The following EPC1 variants were observed in gnomAD, a reference collection of about 807,000 sequenced individuals.
The protein encoded by EPC1 is enhancer of polycomb 1, also known as enhancer of polycomb homolog 1.
EPC1 carries 12 observed loss-of-function variants against 98.4 expected under a neutral mutation model. The ratio of observed to expected loss-of-function variants is 0.12; its 90% CI spans 0.08 to 0.20. The LOEUF (loss-of-function observed/expected upper bound fraction) is 0.20. Among genes scored for constraint, EPC1 ranks in the 10% least tolerant of loss-of-function variants. The pLI is 1.00. For missense variants in EPC1, 729 were observed against 990.5 expected (o/e 0.74, Z 3.54); for synonymous variants, 357 against 363.9 (o/e 0.98, Z 0.21).
rs184770971 is a variant in EPC1, at chr10:32,331,511, G to A, written c.153+15252C>T. ...TGGTTTTGATTTTATATCATCTATCGTACTTACATTTACTTCAAATGAAAA... is the reference window on the plus strand; with the variant it reads ...TGGTTTTGATTTTATATCATCTATCATACTTACATTTACTTCAAATGAAAA... On this transcript the variant is annotated intron_variant, in intron 1 of 13. Coordinates refer to ENST00000319778, the MANE Select transcript of EPC1 (RefSeq NM_001272004.3). Among the ~76,000 whole-genome samples the A allele has an allele frequency of 3.4e-4, 46 of 136,944 alleles. 1 individual carries two copies. The highest frequency in any genetic ancestry group is 1.2e-3 in the African/African-American group (45 of 36,552). 89.8% of individuals were successfully genotyped at this position (136,944 alleles called of 152,430 possible).
At chr10:32,310,209 TAAAG>T (rs1197977450) in intron 1 of EPC1, among the ~76,000 whole-genome samples, 2 of 152,028 alleles carry the variant, frequency 1.3e-5, no homozygotes, top group Non-Finnish European at 2.9e-5. Flanking sequence ...AAAGAAAAAA[TAAAG>T]AACATGGATT....
At chr10:32,293,269 A>G in intron 3 of EPC1, 75 bp from the exon 4 acceptor site, 1 of 1,146,706 alleles carries the variant, frequency 8.7e-7, no homozygotes, top group East Asian at 2.4e-5. Flanking sequence ...CTAAATTTAA[A>G]GGACAATAAT....
At position 32,273,189 on chromosome 10, in the gene EPC1, T is replaced by C. The variant is rs557162371; in HGVS notation, c.1837A>G (p.Ser613Gly). 2.5e-6 allele frequency: 4 copies of C among 1,614,176 alleles called. No individual in the cohort carries two copies. In the African/African-American group the frequency reaches 5.3e-5, roughly 22 times the overall value. ...LAQIQQQQAN[S>G]NSSTNTSQGF... is the part of the protein sequence containing the mutation. ...TGTGATGTGTTGGTGGAGGAATTAC[T>C]ATTTGCTTGCTGTTGCTGAATTTGT... Residue 613 changes from serine to glycine, a missense_variant, in exon 11 of 14, where the codon AGT (serine) becomes GGT (glycine). Transcript: ENST00000319778.
At chr10:32,345,725 C>A in intron 1 of EPC1, 1 of 705,618 alleles carries the variant, frequency 1.4e-6, no homozygotes, top group Non-Finnish European at 1.7e-6. Flanking sequence ...TAGTTGTCAA[C>A]ATTTACGTGC....
intron 1 of EPC1, among the ~76,000 whole-genome samples, chr10:32,333,339 A>G (rs2132981925): frequency 6.6e-6 from 1 of 152,300 alleles, no homozygotes; most frequent in East Asian, 1.9e-4. Flanking sequence ...CTCAAAAACA[A>G]ACAAACAACA....
upstream of EPC1, chr10:32,347,204 G>A: frequency 8.1e-7 from 1 of 1,231,936 alleles, no homozygotes; most frequent in Non-Finnish European, 1.0e-6. Flanking sequence ...GCATCGCGCA[G>A]CGGCGCGGGC....
chr10:32,319,120 G>A (rs911266068), intron 1 of EPC1, among the ~76,000 whole-genome samples: 7 of 152,028 alleles, frequency 4.6e-5, no homozygotes, highest in Non-Finnish European at 8.8e-5. Flanking sequence ...AATTCTACTA[G>A]GATGTCTACC....
intron 6 of EPC1, among the ~76,000 whole-genome samples, chr10:32,289,474 A>G (rs1836878335): frequency 6.6e-6 from 1 of 151,520 alleles, no homozygotes; most frequent in Non-Finnish European, 1.5e-5. Flanking sequence ...ACTGTGTGGC[A>G]GGTTGTACAT....
At chr10:32,345,320 CAA>C in intron 1 of EPC1, 2 of 985,346 alleles carry the variant, frequency 2.0e-6, no homozygotes, top group South Asian at 4.7e-5. Flanking sequence ...ACACTACTCT[CAA>C]AAGTAACATT....
intron 1 of EPC1, among the ~76,000 whole-genome samples, chr10:32,326,833 G>A (rs550294598): frequency 2.0e-5 from 3 of 151,718 alleles, no homozygotes; most frequent in Non-Finnish European, 2.9e-5. Flanking sequence ...AATGCAAATC[G>A]ACACCACAAT....
intron 13 of EPC1, among the ~76,000 whole-genome samples, chr10:32,270,412 T>C (rs1204438861): frequency 6.6e-6 from 1 of 152,204 alleles, no homozygotes; most frequent in South Asian, 2.1e-4. Context: ...TACAACATAA[T>C]AGAGCATAAG....
At chr10:32,308,992 A>G (rs2132837520) in intron 1 of EPC1, among the ~76,000 whole-genome samples, 1 of 152,344 alleles carries the variant, frequency 6.6e-6, no homozygotes, top group African/African-American at 2.4e-5. Flanking sequence ...AACAACATGG[A>G]TGGAACTGGA....
At chr10:32,372,744 G>A (rs761895212) in intron 1 of EPC1, among the ~76,000 whole-genome samples, 1 of 152,196 alleles carries the variant, frequency 6.6e-6, no homozygotes, top group African/African-American at 2.4e-5. Flanking sequence ...AAGTCAGGCC[G>A]GGCGCGGTGG....
intron 10 of EPC1, among the ~76,000 whole-genome samples, chr10:32,279,734 A>G (rs746597646): frequency 2.6e-5 from 4 of 152,310 alleles, no homozygotes; most frequent in African/African-American, 9.6e-5. Flanking sequence ...GGACTCTTAC[A>G]TAAGAGTCCT....
At chr10:32,342,085 A>G (rs4747778) in intron 1 of EPC1, among the ~76,000 whole-genome samples, 3,701 of 151,882 alleles carry the variant, frequency 0.024, 57 homozygotes, top group Admixed American at 0.037. Context: ...CTTTGATTTT[A>G]TCTGAAGTAA....
At position 32,272,065 on chromosome 10, in the gene EPC1, C is replaced by T. The variant is rs1328612897; in HGVS notation, c.1966G>A (p.Val656Met). The T allele has an allele frequency of 9.3e-6, 15 of 1,613,958 alleles. No individual in the cohort carries two copies. The highest frequency in any genetic ancestry group is 1.3e-5 in the Non-Finnish European group (15 of 1,179,986). ...LMGFKMKDDV[V>M]LGIGVNGVLP... Reference sequence around the variant, plus strand: ...ACGCCATTCACCCCGATTCCAAGCACCACATCATCCTTCATCTTGAATCCC... The same window carrying T: ...ACGCCATTCACCCCGATTCCAAGCATCACATCATCCTTCATCTTGAATCCC... Residue 656 changes from valine (V) to methionine (M), a missense_variant, in exon 12 of 14, where the codon GTG becomes ATG. By Grantham distance (21) the Val-to-Met change is conservative. Coordinates refer to ENST00000319778, the MANE Select transcript of EPC1 (RefSeq NM_001272004.3).
chr10:32,345,214 G>A (rs1353750593), intron 1 of EPC1: 3 of 984,626 alleles, frequency 3.0e-6, no homozygotes, highest in East Asian at 1.1e-4. Flanking sequence ...AAATTAAGAG[G>A]TAGTGTCTCA....
At chr10:32,271,394 G>GT (rs1215909452) in intron 13 of EPC1, among the ~76,000 whole-genome samples, 160 bp downstream of exon 13, 1 of 152,132 alleles carries the variant, frequency 6.6e-6, no homozygotes, top group African/African-American at 2.4e-5. Context: ...TTCAAGAACT[G>GT]TTTAGTTCTT....
At chr10:32,339,543 CAATAGT>C (rs1838198384) in intron 1 of EPC1, among the ~76,000 whole-genome samples, 1 of 151,996 alleles carries the variant, frequency 6.6e-6, no homozygotes, top group Non-Finnish European at 1.5e-5. Context: ...AACTCTCTCT[CAATAGT>C]AATAATAATA....
Sources: allele counts gnomAD v4.1 joint callset (sites outside exome capture counted in the v4.1 genomes callset), GRCh38; gene constraint gnomAD v4.1.1; transcripts MANE v1.5; gene names NCBI Gene and HGNC (gene_info 2026-07-23, HGNC 2026-07-21).